The following LSAMP variants were observed in gnomAD, a reference collection of about 807,000 sequenced individuals.
LSAMP encodes the protein limbic system associated membrane protein, also known as limbic system-associated membrane protein.
Under a neutral mutation model 38.6 loss-of-function variants are expected in LSAMP, and 7 were observed. The observed-to-expected ratio is 0.18, with a 90% CI of 0.10 to 0.34. The LOEUF (loss-of-function observed/expected upper bound fraction) is 0.34, where lower values mean the gene tolerates loss of function less well. Among genes scored for constraint, LSAMP ranks in the 10% least tolerant of loss-of-function variants. LSAMP has a pLI of 1.00. For missense variants in LSAMP, 313 were observed against 420.0 expected (o/e 0.75, Z 2.23); for synonymous variants, 154 against 166.8 (o/e 0.92, Z 0.59).
chr3:115,949,228 C>A (rs1020020663), intron 3 of LSAMP, among the ~76,000 whole-genome samples: 2 of 152,098 alleles, frequency 1.3e-5, no homozygotes, highest in South Asian at 2.1e-4. Context: ...CACTGCACTG[C>A]AGCTTGGGTA....
intron 1 of LSAMP, among the ~76,000 whole-genome samples, chr3:116,110,369 C>T (rs142116503): frequency 3.4e-4 from 52 of 152,324 alleles, no homozygotes; most frequent in African/African-American, 1.1e-3. Flanking sequence ...AGGACCAAGG[C>T]AGGCATCCCT....
At chr3:116,045,280 T>C (rs968531504) in intron 2 of LSAMP, among the ~76,000 whole-genome samples, 16 of 152,332 alleles carry the variant, frequency 1.1e-4, no homozygotes, top group Admixed American at 3.3e-4. Flanking sequence ...TTACCAATCA[T>C]TTATTAATTT....
At chr3:116,399,319 G>A (rs2048809614) in intron 1 of LSAMP, among the ~76,000 whole-genome samples, 1 of 152,168 alleles carries the variant, frequency 6.6e-6, no homozygotes, top group South Asian at 2.1e-4. Flanking sequence ...GATTGGAGGG[G>A]CAACACAGAG....
chr3:116,265,269 A>T (rs779242510), intron 1 of LSAMP, among the ~76,000 whole-genome samples: 3 of 152,086 alleles, frequency 2.0e-5, no homozygotes, highest in African/African-American at 4.8e-5. Flanking sequence ...GCTAAGGTTC[A>T]TGCTGGAATT....
intron 1 of LSAMP, among the ~76,000 whole-genome samples, chr3:116,328,237 A>G (rs1318224546): frequency 6.6e-6 from 1 of 152,190 alleles, no homozygotes; most frequent in Non-Finnish European, 1.5e-5. Context: ...GCCACCTTGC[A>G]TCCCTTTCCA....
At chr3:116,258,895 G>A (rs543832866) in intron 1 of LSAMP, among the ~76,000 whole-genome samples, 9 of 152,166 alleles carry the variant, frequency 5.9e-5, no homozygotes, top group Admixed American at 2.0e-4. Flanking sequence ...AAAGGTTTAC[G>A]TGTAACACTT....
chr3:116,026,148 G>C (rs753008693), intron 2 of LSAMP, among the ~76,000 whole-genome samples: 2 of 152,032 alleles, frequency 1.3e-5, no homozygotes, highest in Non-Finnish European at 2.9e-5. Flanking sequence ...CCAAAATCTA[G>C]GTGCACCTAA....
rs372341488 is a variant in LSAMP at position 115,821,284 on chromosome 3, C to T, written c.920-10870G>A. 3.3e-5 allele frequency among the ~76,000 whole-genome samples: 5 copies of T among 152,224 alleles called. No individual in the cohort carries two copies. The South Asian group carries it at 6.2e-4, about 19-fold the overall frequency. ...TATCTTTATGTGTGGAAAATTTTGG[C>T]ATTTTGCTTTCTTTGAGTTATATCT... is the stretch of plus-strand genomic sequence containing the variant. On this transcript the variant is annotated intron_variant, in intron 6 of 6. Transcript: ENST00000490035.
At chr3:116,107,253 G>A (rs570570515) in intron 1 of LSAMP, among the ~76,000 whole-genome samples, 149 of 152,312 alleles carry the variant, frequency 9.8e-4, no homozygotes, top group African/African-American at 3.4e-3. Flanking sequence ...GGAAGAGTGA[G>A]TACAGCTGAA....
chr3:116,144,531 A>G (rs933552977), intron 1 of LSAMP, among the ~76,000 whole-genome samples: 10 of 149,342 alleles, frequency 6.7e-5, no homozygotes, highest in African/African-American at 2.5e-4. Flanking sequence ...TCAATACAAA[A>G]CAAAATAAAA....
rs1389645779 is a variant in LSAMP at position 115,808,473 on chromosome 3, A to AAATCCT, written c.*1843_*1844insAGGATT. 6.6e-6 allele frequency: 1 copy of AAATCCT among 152,072 alleles called. No individual in the cohort carries two copies. The highest frequency in any genetic ancestry group is 1.5e-5 in the Non-Finnish European group (1 of 68,024). The allele number at this position is 152,072 out of a possible 1,614,324, so 9.4% of individuals were successfully genotyped here. ...CATTTCCTAAGAAATCCTTCTGGTG[A>AAATCCT]TGTGGTAACACCAAGCTTTGTGGTA... On this transcript the variant is annotated 3_prime_UTR_variant, in exon 7 of 7. Coordinates refer to ENST00000490035, the MANE Select transcript of LSAMP (RefSeq NM_002338.5).
intron 3 of LSAMP, among the ~76,000 whole-genome samples, chr3:115,939,552 CT>C (rs1355473895): frequency 1.1e-5 from 1 of 93,042 alleles, no homozygotes; most frequent in Non-Finnish European, 2.4e-5. Context: ...TTCTTTCTTT[CT>C]TTCTTTCTTT....
chr3:115,842,557 G>T lies in LSAMP; in HGVS notation c.671C>A (p.Ser224Tyr). ...TCCTGTGGTGGCTTCATTGCTCTTG[G>T]ATTCTGTGATAGTGGGAGGATCTGT... ...TVNYPPTITE[S>Y]KSNEATTGRQ... The change falls in exon 5 of 7, where the codon TCC (serine) becomes TAC (tyrosine). Residue 224 changes from serine (S) to tyrosine (Y), a missense_variant. Ser to Tyr is a moderately radical substitution (Grantham distance 144). Coordinates refer to ENST00000490035, the MANE Select transcript of LSAMP (RefSeq NM_002338.5). 1 of 1,613,614 alleles carries T rather than the reference G, an allele frequency of 6.2e-7. No homozygotes were observed. Among genetic ancestry groups the T allele is most frequent in the Non-Finnish European group, 8.5e-7 (1 of 1,179,708 alleles).
intron 1 of LSAMP, among the ~76,000 whole-genome samples, chr3:116,314,384 A>G (rs2047601105): frequency 6.6e-6 from 1 of 152,110 alleles, no homozygotes; most frequent in Non-Finnish European, 1.5e-5. Flanking sequence ...ATTTCAAGAA[A>G]CTCCTGGTAG....
At chr3:116,423,550 C>T (rs974937663) in intron 1 of LSAMP, among the ~76,000 whole-genome samples, 3 of 152,180 alleles carry the variant, frequency 2.0e-5, no homozygotes, top group African/African-American at 7.2e-5. Context: ...CCTCCATCCC[C>T]CACCTCCTAA....
intron 3 of LSAMP, among the ~76,000 whole-genome samples, chr3:115,895,383 G>A (rs1429488461): frequency 6.6e-6 from 1 of 152,088 alleles, no homozygotes; most frequent in East Asian, 1.9e-4. Context: ...CTCCTAGCAA[G>A]TTTTGGGTAT....
chr3:116,253,082 C>T (rs1025513033), intron 1 of LSAMP, among the ~76,000 whole-genome samples: 3 of 152,164 alleles, frequency 2.0e-5, no homozygotes, highest in African/African-American at 7.2e-5. Context: ...AAATATGAAG[C>T]ACAGCACATG....
intron 1 of LSAMP, among the ~76,000 whole-genome samples, chr3:116,135,856 C>T (rs1016749477): frequency 6.6e-6 from 1 of 152,158 alleles, no homozygotes; most frequent in South Asian, 2.1e-4. Flanking sequence ...GTTCCACAGG[C>T]TCAGGCAGGC....
At chr3:116,007,054 A>C (rs551818394) in intron 3 of LSAMP, among the ~76,000 whole-genome samples, 115 of 152,336 alleles carry the variant, frequency 7.5e-4, no homozygotes, top group African/African-American at 2.7e-3. Context: ...AGAATACCTT[A>C]AAGAATTAGA....
Sources: allele counts gnomAD v4.1 joint callset (sites outside exome capture counted in the v4.1 genomes callset), GRCh38; gene constraint gnomAD v4.1.1; transcripts MANE v1.5; gene names NCBI Gene and HGNC (gene_info 2026-07-23, HGNC 2026-07-21).